Variants in H3-3B observed in about 807,000 individuals in gnomAD.
H3-3B encodes the protein histone H3.3.
Under a neutral mutation model 13.1 loss-of-function variants are expected in H3-3B, and 2 were observed. That is an observed-to-expected ratio of 0.15 (90% confidence interval 0.06 to 0.48). The LOEUF is 0.48. H3-3B is among the 20% of genes least tolerant of loss of function. The pLI, the probability that H3-3B is intolerant of heterozygous loss-of-function variation, is 0.97. For synonymous variants in H3-3B, 133 were observed against 75.8 expected, an observed-to-expected ratio of 1.76 and a Z score of -3.92; for missense variants, 39 against 186.0, an observed-to-expected ratio of 0.21 and a Z score of 4.60.
rs2061649468 is a variant in H3-3B, at chr17:75,778,392, T to C, written c.*203A>G. 5 of 642,780 alleles carry C rather than the reference T, an allele frequency of 7.8e-6. No individual in the cohort carries two copies. The highest frequency in any genetic ancestry group is 3.1e-5 in the Admixed American group (1 of 31,946). The allele number at this position is 642,780 out of a possible 1,614,324, so 39.8% of individuals were successfully genotyped here. On this transcript the variant is annotated 3_prime_UTR_variant, in exon 4 of 4. Transcript: ENST00000254810. Reference sequence around the variant, plus strand: ...AGTATCACCCATCCCTTCTGCATATTAGCAACTTGTCACTCCTGAGCAACA... The same window carrying C: ...AGTATCACCCATCCCTTCTGCATATCAGCAACTTGTCACTCCTGAGCAACA...
rs1003715931 is a variant in H3-3B, at chr17:75,777,373, C to G, written c.*1222G>C. 14 of 152,550 alleles carry G rather than the reference C, an allele frequency of 9.2e-5. No individual in the cohort carries two copies. The highest frequency in any genetic ancestry group is 7.2e-4 in the Admixed American group (11 of 15,274). The allele number at this position is 152,550 out of a possible 1,614,324, so 9.4% of individuals were successfully genotyped here. A position where few individuals can be genotyped will look rare whatever the true frequency, so the allele number is the denominator to read the frequency against. On this transcript the variant is annotated 3_prime_UTR_variant, in exon 4 of 4. Coordinates refer to ENST00000254810, the MANE Select transcript of H3-3B (RefSeq NM_005324.5). Reference sequence around the variant, plus strand: ...TCCACCAAACAACACCTGAAATGATCTAAGTTCAAAACATTAGTATACAAG... The same window carrying G: ...TCCACCAAACAACACCTGAAATGATGTAAGTTCAAAACATTAGTATACAAG...
rs1256402312 is a variant in H3-3B, at chr17:75,777,882, G to GTTAA, written c.*709_*712dup. The GTTAA allele has an allele frequency of 6.6e-6, 1 of 152,554 alleles. No homozygotes were observed. Among genetic ancestry groups the GTTAA allele is most frequent in the Non-Finnish European group, 1.5e-5 (1 of 68,036 alleles). The allele number at this position is 152,554 out of a possible 1,614,324, so 9.5% of individuals were successfully genotyped here. ...TAGTGTTTGCATTATCAGCTAGAGG[G>GTTAA]TTAACATGTGGTAGAATGAGGACTT... is the stretch of plus-strand genomic sequence containing the variant. On this transcript the variant is annotated 3_prime_UTR_variant, in exon 4 of 4. Coordinates refer to ENST00000254810, the MANE Select transcript of H3-3B (RefSeq NM_005324.5).
chr17:75,777,278 G>T lies in H3-3B; in HGVS notation c.*1317C>A, dbSNP rs991108421. 1 of 152,152 alleles carries T rather than the reference G, an allele frequency of 6.6e-6. No individual in the cohort carries two copies. The highest frequency in any genetic ancestry group is 1.5e-5 in the Non-Finnish European group (1 of 68,032). The allele number at this position is 152,152 out of a possible 1,614,324, so 9.4% of individuals were successfully genotyped here. ...CACACTGCAAATACAGCACTATTAT[G>T]GCATCTTAATCAAGCAGAGAGCTGT... On this transcript the variant is annotated 3_prime_UTR_variant, in exon 4 of 4. Coordinates refer to ENST00000254810, the MANE Select transcript of H3-3B (RefSeq NM_005324.5).
At chr17:75,779,402 G>A (rs762544034) in intron 1 of H3-3B, 13 of 398,812 alleles carry the variant, frequency 3.3e-5, no homozygotes, top group Admixed American at 4.6e-5. Flanking sequence ...GGGAGCGCGG[G>A]GAGGAGTCAC....
In H3-3B at chr17:75,777,173, A is replaced by C. The variant is rs887019071; in HGVS notation, c.*1422T>G. The C allele has an allele frequency of 1.3e-5, 2 of 152,178 alleles. No individual in the cohort carries two copies. The highest frequency in any genetic ancestry group is 2.9e-5 in the Non-Finnish European group (2 of 68,036). The allele number at this position is 152,178 out of a possible 1,614,324, so 9.4% of individuals were successfully genotyped here. Reference sequence around the variant, plus strand: ...GGTTTCATACTGAAGTTTAAGACTGAGTTCTACACCTGTGGGCTTCTACAC... The same window carrying C: ...GGTTTCATACTGAAGTTTAAGACTGCGTTCTACACCTGTGGGCTTCTACAC... On this transcript the variant is annotated 3_prime_UTR_variant, in exon 4 of 4. Transcript: ENST00000254810.
rs929525696 is a variant in H3-3B, at chr17:75,776,603, G to A, written c.*1992C>T. On this transcript the variant is annotated 3_prime_UTR_variant, in exon 4 of 4. Coordinates refer to ENST00000254810, the MANE Select transcript of H3-3B (RefSeq NM_005324.5). ...GCTATCTTCGCCTTCTGGGTTGAGTGCTCAAGCCAAGTGTGGAAATGCAAG... is the reference window on the plus strand; with the variant it reads ...GCTATCTTCGCCTTCTGGGTTGAGTACTCAAGCCAAGTGTGGAAATGCAAG... The A allele has an allele frequency of 4.6e-5, 7 of 152,192 alleles. No individual in the cohort carries two copies. In the East Asian group the frequency reaches 1.3e-3, roughly 29 times the overall value. The allele number at this position is 152,192 out of a possible 1,614,324, so 9.4% of individuals were successfully genotyped here.
chr17:75,779,020 G>C (rs545389058), intron 2 of H3-3B, 27 bp downstream of exon 2: 1 of 1,611,826 alleles, frequency 6.2e-7, no homozygotes, highest in Admixed American at 1.7e-5. Context: ...GGCCACCGCC[G>C]GGCCATTGTT....
rs2061639568 is a variant in H3-3B at position 75,776,788 on chromosome 17, C to G, written c.*1807G>C. ...GTAGCCAGGTTTGTGTACTTTGTTT[C>G]CAGACACGCTACAGCATAGCACGTT... is the stretch of plus-strand genomic sequence containing the variant. On this transcript the variant is annotated 3_prime_UTR_variant, in exon 4 of 4. Transcript: ENST00000254810. The G allele has an allele frequency of 6.6e-6, 1 of 152,234 alleles. No homozygotes were observed. Among genetic ancestry groups the G allele is most frequent in the Non-Finnish European group, 1.5e-5 (1 of 68,054 alleles). 9.4% of individuals were successfully genotyped at this position (152,234 alleles called of 1,614,324 possible). A position where few individuals can be genotyped will look rare whatever the true frequency, so the allele number is the denominator to read the frequency against.
Position 75,778,469 on chromosome 17 carries a change from G to GT in H3-3B, c.*125dup. On this transcript the variant is annotated 3_prime_UTR_variant, in exon 4 of 4. Transcript: ENST00000254810. ...CAGTCACTTTTCGCATTCATCCTGA[G>GT]TGAAAGATGGAATGACTTAAGTACA... The GT allele has an allele frequency of 7.5e-7, 1 of 1,338,000 alleles. No homozygotes were observed. The highest frequency in any genetic ancestry group is 1.4e-5 in the South Asian group (1 of 72,130). The allele number at this position is 1,338,000 out of a possible 1,614,324, so 82.9% of individuals were successfully genotyped here.
rs2061648731 is a variant in H3-3B at position 75,778,242 on chromosome 17, C to T, written c.*353G>A. ...AGACTTAACAGCCCCAATTGTTAAA[C>T]ACTTGGATCAAGTCATAACCAGTTT... On this transcript the variant is annotated 3_prime_UTR_variant, in exon 4 of 4. Transcript: ENST00000254810. 5.1e-6 allele frequency: 1 copy of T among 195,558 alleles called. No individual in the cohort carries two copies. The allele number at this position is 195,558 out of a possible 1,614,324, so 12.1% of individuals were successfully genotyped here. A position where few individuals can be genotyped will look rare whatever the true frequency, so the allele number is the denominator to read the frequency against.
chr17:75,776,926 T>C lies in H3-3B; in HGVS notation c.*1669A>G, dbSNP rs909462180. 4 of 152,232 alleles carry C rather than the reference T, an allele frequency of 2.6e-5. No individual in the cohort carries two copies. The highest frequency in any genetic ancestry group is 6.5e-5 in the Admixed American group (1 of 15,278). The allele number at this position is 152,232 out of a possible 1,614,324, so 9.4% of individuals were successfully genotyped here. ...CGGGTCATTATATTGCATCCTTTCA[T>C]AGGAGCTCATTATCACGACCTGAAA... On this transcript the variant is annotated 3_prime_UTR_variant, in exon 4 of 4. Transcript: ENST00000254810.
chr17:75,777,638 T>G lies in H3-3B; in HGVS notation c.*957A>C, dbSNP rs1281221049. On this transcript the variant is annotated 3_prime_UTR_variant, in exon 4 of 4. Transcript: ENST00000254810. ...GCAGAGGTTCAGTGGGCTGGAGTTT[T>G]GTGCTCCTCCCCCACACCAAGTTTT... 3 of 152,130 alleles carry G rather than the reference T, an allele frequency of 2.0e-5. No individual in the cohort carries two copies. Among genetic ancestry groups the G allele is most frequent in the Non-Finnish European group, 4.4e-5 (3 of 68,028 alleles). 9.4% of individuals were successfully genotyped at this position (152,130 alleles called of 1,614,324 possible).
intron 1 of H3-3B, chr17:75,779,405 G>A (rs923513819): frequency 3.6e-5 from 14 of 392,254 alleles, no homozygotes; most frequent in Non-Finnish European, 5.7e-5. Flanking sequence ...AGCGCGGGGA[G>A]GAGTCACTTC....
rs767405548 is a variant in H3-3B at position 75,777,146 on chromosome 17, C to T, written c.*1449G>A. 1 of 152,148 alleles carries T rather than the reference C, an allele frequency of 6.6e-6. No individual in the cohort carries two copies. Among genetic ancestry groups the T allele is most frequent in the Non-Finnish European group, 1.5e-5 (1 of 68,036 alleles). 9.4% of individuals were successfully genotyped at this position (152,148 alleles called of 1,614,324 possible). On this transcript the variant is annotated 3_prime_UTR_variant, in exon 4 of 4. Coordinates refer to ENST00000254810, the MANE Select transcript of H3-3B (RefSeq NM_005324.5). ...TAGTGGCCATCATCGCACAAGGAAA[C>T]TGGTTTCATACTGAAGTTTAAGACT...
In H3-3B at chr17:75,776,702, G is replaced by A. The variant is rs1386804143; in HGVS notation, c.*1893C>T. On this transcript the variant is annotated 3_prime_UTR_variant, in exon 4 of 4. Transcript: ENST00000254810. ...CTATGCCAGCCTGCAGACTGGAGAA[G>A]GTTCACTAGTGTCACCCACTTGGGT... is the stretch of plus-strand genomic sequence containing the variant. 2.0e-5 allele frequency: 3 copies of A among 152,216 alleles called. No individual in the cohort carries two copies. The highest frequency in any genetic ancestry group is 4.8e-5 in the African/African-American group (2 of 41,454). 9.4% of individuals were successfully genotyped at this position (152,216 alleles called of 1,614,324 possible).
Position 75,778,464 on chromosome 17 carries a change from C to T in H3-3B, c.*131G>A. 1.5e-6 allele frequency: 2 copies of T among 1,302,362 alleles called. No homozygotes were observed. Among genetic ancestry groups the T allele is most frequent in the East Asian group, 2.3e-5 (1 of 42,752 alleles). The allele number at this position is 1,302,362 out of a possible 1,614,324, so 80.7% of individuals were successfully genotyped here. A position where few individuals can be genotyped will look rare whatever the true frequency, so the allele number is the denominator to read the frequency against. ...GTGAACAGTCACTTTTCGCATTCATCCTGAGTGAAAGATGGAATGACTTAA... is the reference window on the plus strand; with the variant it reads ...GTGAACAGTCACTTTTCGCATTCATTCTGAGTGAAAGATGGAATGACTTAA... On this transcript the variant is annotated 3_prime_UTR_variant, in exon 4 of 4. Coordinates refer to ENST00000254810, the MANE Select transcript of H3-3B (RefSeq NM_005324.5).
At position 75,778,855 on chromosome 17, in the gene H3-3B, G is replaced by A. The variant is rs2061652057; in HGVS notation, c.237C>T (p.Phe79=). ...CGCTCTGAAACCTCAGGTCGGTTTT[G>A]AAATCCTGCGCGATCTCCCTCACCA... ...QRLVREIAQD[F]KTDLRFQSAA... Residue 79 remains phenylalanine, a synonymous_variant, in exon 3 of 4, where the codon TTC becomes TTT. Coordinates refer to ENST00000254810, the MANE Select transcript of H3-3B (RefSeq NM_005324.5). 1.2e-6 allele frequency: 2 copies of A among 1,614,166 alleles called. No homozygotes were observed. The highest frequency in any genetic ancestry group is 1.7e-6 in the Non-Finnish European group (2 of 1,180,032).
chr17:75,778,750 A>G lies in H3-3B; in HGVS notation c.283-27T>C, dbSNP rs757779367. On this transcript the variant is annotated intron_variant, in intron 3 of 3. Coordinates refer to ENST00000254810, the MANE Select transcript of H3-3B (RefSeq NM_005324.5). ...TGTTGAGGACGAGAGCCGCACTATTAATCCCACTCGGGGAGCGGAAACCGC... is the reference window on the plus strand; with the variant it reads ...TGTTGAGGACGAGAGCCGCACTATTGATCCCACTCGGGGAGCGGAAACCGC... 1.9e-6 allele frequency: 3 copies of G among 1,614,010 alleles called. No homozygotes were observed. The African/African-American group carries it at 4.0e-5, about 22-fold the overall frequency.
Position 75,779,761 on chromosome 17 carries a change from A to G in H3-3B, c.-115T>C, listed in dbSNP as rs1480597667. 6.5e-6 allele frequency: 1 copy of G among 153,016 alleles called. No individual in the cohort carries two copies. Among genetic ancestry groups the G allele is most frequent in the Non-Finnish European group, 1.5e-5 (1 of 68,062 alleles). 9.5% of individuals were successfully genotyped at this position (153,016 alleles called of 1,614,324 possible). On this transcript the variant is annotated 5_prime_UTR_variant, in exon 1 of 4. Coordinates refer to ENST00000254810, the MANE Select transcript of H3-3B (RefSeq NM_005324.5). ...AAAAACCAGCACCGCCCAACGAACG[A>G]CCAAACCGCTCTGCGCTCCAAGCCC...
Sources: allele counts gnomAD v4.1 joint callset, GRCh38; gene constraint gnomAD v4.1.1; transcripts MANE v1.5; gene names NCBI Gene and HGNC (gene_info 2026-07-23, HGNC 2026-07-21).